The following APBB2 variants were observed in gnomAD, a reference collection of about 807,000 sequenced individuals.
The protein encoded by APBB2 is amyloid beta precursor protein binding family B member 2, also known as Fe65-like 1.
A neutral mutation model predicts 82.5 loss-of-function variants in APBB2; 38 were observed. That is an observed-to-expected ratio of 0.46 (90% CI 0.36 to 0.60). The LOEUF is 0.60. Among genes scored for constraint, APBB2 ranks in the 20% least tolerant of loss-of-function variants. APBB2 has a pLI of 0.00. For missense variants in APBB2, 772 were observed against 972.3 expected, an observed-to-expected ratio of 0.79 and a Z score of 2.74; for synonymous variants, 341 against 368.2, an observed-to-expected ratio of 0.93 and a Z score of 0.85.
At chr4:40,971,990 A>G (rs1403442627) in intron 6 of APBB2, among the ~76,000 whole-genome samples, 5 of 152,224 alleles carry the variant, frequency 3.3e-5, no homozygotes, top group Non-Finnish European at 5.9e-5. Context: ...CTAAAATATA[A>G]TATTTGGTTT....
intron 4 of APBB2, among the ~76,000 whole-genome samples, chr4:41,044,559 T>C (rs1722699115): frequency 6.6e-6 from 1 of 152,208 alleles, no homozygotes; most frequent in African/African-American, 2.4e-5. Flanking sequence ...TCCACTGATT[T>C]TTTTGCATGT....
At chr4:41,151,776 T>A (rs28490004) in intron 1 of APBB2, among the ~76,000 whole-genome samples, 55,836 of 149,202 alleles carry the variant, frequency 0.37, 12,307 homozygotes, top group African/African-American at 0.63. Flanking sequence ...TGGTCTTCTT[T>A]TTTTTTTTTA....
intron 1 of APBB2, among the ~76,000 whole-genome samples, chr4:41,184,442 AG>A (rs1357885519): frequency 6.6e-6 from 1 of 152,208 alleles, no homozygotes; most frequent in Non-Finnish European, 1.5e-5. Context: ...TTCCTCCAAC[AG>A]GCCAGGCTCA....
chr4:40,900,548 T>C (rs9998859), intron 10 of APBB2, among the ~76,000 whole-genome samples: 84,653 of 150,338 alleles, frequency 0.56, 23,893 homozygotes, highest in East Asian at 0.72. Flanking sequence ...CTCTGCCTCC[T>C]GGGTTCAAGC....
At chr4:41,166,845 C>T (rs950361313) in intron 1 of APBB2, among the ~76,000 whole-genome samples, 1 of 151,960 alleles carries the variant, frequency 6.6e-6, no homozygotes, top group Admixed American at 6.6e-5. Flanking sequence ...TGCAGTGAGC[C>T]GTGACCACAC....
chr4:40,876,175 A>G (rs1357269119), intron 12 of APBB2, among the ~76,000 whole-genome samples: 1 of 152,230 alleles, frequency 6.6e-6, no homozygotes. Context: ...CACTCACTGC[A>G]TATTTTAAAA....
intron 2 of APBB2, among the ~76,000 whole-genome samples, chr4:41,131,231 T>C (rs1312332591): frequency 6.6e-6 from 1 of 152,184 alleles, no homozygotes; most frequent in Non-Finnish European, 1.5e-5. Context: ...TTCTCCACTC[T>C]ATGCCCAAGT....
chr4:41,101,831 C>T (rs1745563775), intron 2 of APBB2, among the ~76,000 whole-genome samples: 2 of 151,776 alleles, frequency 1.3e-5, no homozygotes, highest in Non-Finnish European at 2.9e-5. Context: ...TGGTGGCATG[C>T]GCCTGTAATC....
At chr4:41,184,203 T>A (rs1772241909) in intron 1 of APBB2, among the ~76,000 whole-genome samples, 1 of 152,072 alleles carries the variant, frequency 6.6e-6, no homozygotes, top group Non-Finnish European at 1.5e-5. Context: ...ATATGAAGCT[T>A]CATTCGCTGG....
intron 1 of APBB2, among the ~76,000 whole-genome samples, 178 bp downstream of exon 1, chr4:41,214,227 G>A (rs1200566918): frequency 2.6e-5 from 4 of 152,174 alleles, no homozygotes; most frequent in Non-Finnish European, 5.9e-5. Flanking sequence ...CTGCAGGTGT[G>A]GCTGCGGCTG....
At chr4:40,851,409 G>A (rs973726544) in intron 12 of APBB2, among the ~76,000 whole-genome samples, 1 of 152,200 alleles carries the variant, frequency 6.6e-6, no homozygotes, top group Non-Finnish European at 1.5e-5. Flanking sequence ...GGCTCTTACA[G>A]TGTTTTAAAA....
chr4:40,863,731 A>G (rs1023382028), intron 12 of APBB2, among the ~76,000 whole-genome samples: 1 of 151,888 alleles, frequency 6.6e-6, no homozygotes, highest in Non-Finnish European at 1.5e-5. Context: ...TGTTTCTACG[A>G]AAAATGCAAA....
chr4:40,942,928 G>A (rs532805704), intron 7 of APBB2, among the ~76,000 whole-genome samples: 9 of 152,270 alleles, frequency 5.9e-5, no homozygotes, highest in Admixed American at 1.3e-4. Context: ...TCTGAGCTCC[G>A]TAAGCCTCAG....
At position 41,014,331 on chromosome 4, in the gene APBB2, C is replaced by G; in HGVS notation, c.87G>C (p.Arg29=). ...TGTTTGGTGGTGTGGCTGGGCTGTT[C>G]CGATTTGTGACGTCTGTAGTTCCGC... The part of the protein sequence containing the change: ...ASSGTTDVTN[R]NSPATPPNTL... Residue 29 remains arginine, a synonymous_variant, in exon 6 of 18, where the codon CGG becomes CGC. Transcript: ENST00000508593. 1 of 1,613,970 alleles carries G rather than the reference C, an allele frequency of 6.2e-7. No homozygotes were observed. Among genetic ancestry groups the G allele is most frequent in the Non-Finnish European group, 8.5e-7 (1 of 1,179,988 alleles).
intron 6 of APBB2, among the ~76,000 whole-genome samples, chr4:40,966,496 C>T (rs886337231): frequency 2.0e-5 from 3 of 152,172 alleles, no homozygotes; most frequent in Non-Finnish European, 4.4e-5. Flanking sequence ...CTACAGCCAC[C>T]CAGCTGCTAA....
chr4:41,153,888 C>G (rs1245272199), intron 1 of APBB2, among the ~76,000 whole-genome samples: 1 of 152,102 alleles, frequency 6.6e-6, no homozygotes, highest in Non-Finnish European at 1.5e-5. Flanking sequence ...ATAAATCTAT[C>G]ACTGCTTTAC....
At chr4:40,925,891 TC>T (rs1204430909) in intron 10 of APBB2, among the ~76,000 whole-genome samples, 3 of 152,196 alleles carry the variant, frequency 2.0e-5, no homozygotes, top group African/African-American at 7.2e-5. Context: ...TATTGGAATC[TC>T]ATGTCCATTC....
At chr4:40,910,674 C>T (rs550420018) in intron 10 of APBB2, among the ~76,000 whole-genome samples, 1 of 152,338 alleles carries the variant, frequency 6.6e-6, no homozygotes, top group Admixed American at 6.5e-5. Context: ...CAAAAGTGGC[C>T]CCGGATGTGC....
chr4:41,073,881 A>G (rs760441222), intron 3 of APBB2, among the ~76,000 whole-genome samples: 10 of 152,218 alleles, frequency 6.6e-5, no homozygotes, highest in Non-Finnish European at 1.5e-4. Context: ...AATGAAGCTA[A>G]AGTAGTAGGA....
Sources: allele counts gnomAD v4.1 joint callset (sites outside exome capture counted in the v4.1 genomes callset), GRCh38; gene constraint gnomAD v4.1.1; transcripts MANE v1.5; gene names NCBI Gene and HGNC (gene_info 2026-07-23, HGNC 2026-07-21).